The following MAP2 variants were observed in gnomAD, a reference collection of about 807,000 sequenced individuals.
MAP2 encodes microtubule-associated protein 2.
Under a neutral mutation model 137.6 loss-of-function variants are expected in MAP2, and 14 were observed. That is an observed-to-expected ratio of 0.10 (90% confidence interval 0.07 to 0.16). The LOEUF is 0.16. Among genes scored for constraint, MAP2 ranks in the 10% least tolerant of loss-of-function variants. The probability of loss-of-function intolerance (pLI) is 1.00; values close to 1 mark genes in which losing one functional copy is unlikely to be tolerated. For synonymous variants in MAP2, 786 were observed against 782.3 expected (o/e 1.00, Z -0.08); for missense variants, 2,088 against 2,191.5 (o/e 0.95, Z 0.94).
At chr2:209,525,541 T>A (rs1337445966) in intron 2 of MAP2, among the ~76,000 whole-genome samples, 1 of 152,182 alleles carries the variant, frequency 6.6e-6, no homozygotes, top group Non-Finnish European at 1.5e-5. Context: ...AGCAAGCCCA[T>A]TCCTGCATGG....
At chr2:209,610,930 G>A (rs1371978254) in intron 3 of MAP2, among the ~76,000 whole-genome samples, 1 of 151,958 alleles carries the variant, frequency 6.6e-6, no homozygotes, top group Non-Finnish European at 1.5e-5. Flanking sequence ...TAAAGCTTTT[G>A]TAAAAAATAA....
intron 1 of MAP2, among the ~76,000 whole-genome samples, chr2:209,500,644 C>T (rs1272413940): frequency 6.6e-6 from 1 of 152,018 alleles, no homozygotes; most frequent in Admixed American, 6.6e-5. Context: ...CACAACCTCC[C>T]TTATCCCACT....
chr2:209,510,354 G>A (rs964011539), intron 2 of MAP2, among the ~76,000 whole-genome samples: 20 of 151,872 alleles, frequency 1.3e-4, no homozygotes, highest in Admixed American at 1.3e-4. Flanking sequence ...TTTACTCATT[G>A]TTGGACATGC....
At position 209,664,651 on chromosome 2, in the gene MAP2, T is replaced by C. The variant is rs112018497; in HGVS notation, c.262+11219T>C. On this transcript the variant is annotated intron_variant, in intron 5 of 15. Transcript: ENST00000682079. ...AAAATTTATACTACATTGTGAACAATAAATTTGCAGGAAAGACTGTATTAG... is the reference window on the plus strand; with the variant it reads ...AAAATTTATACTACATTGTGAACAACAAATTTGCAGGAAAGACTGTATTAG... Among the ~76,000 whole-genome samples, 60 of 152,072 alleles carry C rather than the reference T, an allele frequency of 3.9e-4. 1 individual carries two copies. The highest frequency in any genetic ancestry group is 1.4e-3 in the African/African-American group (57 of 41,480).
At position 209,528,014 on chromosome 2, in the gene MAP2, G is replaced by A. The variant is rs936110165; in HGVS notation, c.-172+20373G>A. 2.0e-5 allele frequency among the ~76,000 whole-genome samples: 3 copies of A among 152,030 alleles called. No individual in the cohort carries two copies. The South Asian group carries it at 6.2e-4, about 32-fold the overall frequency. ...AGTTCTCTCTCTAAATTAATGCAGG[G>A]GCTTAACATTTATTTATTAAATTAT... On this transcript the variant is annotated intron_variant, in intron 2 of 15. Transcript: ENST00000682079.
Position 209,692,697 on chromosome 2 carries a change from A to T in MAP2, c.527A>T (p.Asp176Val). Residue 176 changes from aspartate (D) to valine (V), a missense_variant, in exon 8 of 16, where the codon GAC (aspartate) becomes GTC (valine). Asp to Val is a radical substitution (Grantham distance 152). Coordinates refer to ENST00000682079, the MANE Select transcript of MAP2 (RefSeq NM_001375505.1). ...ELTPSTAEPS[D>V]QKEKESEKQS... is the part of the protein sequence containing the mutation. Reference sequence around the variant, plus strand: ...ACTCCCTCTACAGCTGAGCCTTCAGACCAGAAGGAAAAGGAGTCAGAGAAG... The same window carrying T: ...ACTCCCTCTACAGCTGAGCCTTCAGTCCAGAAGGAAAAGGAGTCAGAGAAG... 1 of 1,613,684 alleles carries T rather than the reference A, an allele frequency of 6.2e-7. No homozygotes were observed. The highest frequency in any genetic ancestry group is 1.3e-5 in the African/African-American group (1 of 75,016).
At chr2:209,521,445 A>G (rs2063271728) in intron 2 of MAP2, among the ~76,000 whole-genome samples, 1 of 151,556 alleles carries the variant, frequency 6.6e-6, no homozygotes, top group South Asian at 2.1e-4. Context: ...CTAGGATATG[A>G]TTCAACTTAT....
intron 1 of MAP2, among the ~76,000 whole-genome samples, chr2:209,480,077 T>C (rs756015853): frequency 2.6e-5 from 4 of 152,150 alleles, no homozygotes; most frequent in Non-Finnish European, 5.9e-5. Context: ...ATAATGTACA[T>C]ACTCAAATAG....
intron 5 of MAP2, among the ~76,000 whole-genome samples, chr2:209,657,668 C>T (rs1482581053): frequency 6.6e-6 from 1 of 151,638 alleles, no homozygotes. Flanking sequence ...CTTAGTCCTT[C>T]GTTGGATGCA....
chr2:209,580,655 TA>T (rs1162211776), intron 3 of MAP2, among the ~76,000 whole-genome samples: 2 of 152,206 alleles, frequency 1.3e-5, no homozygotes, highest in Non-Finnish European at 2.9e-5. Flanking sequence ...TGTTAGTTCT[TA>T]AAAGAAGTTA....
intron 1 of MAP2, among the ~76,000 whole-genome samples, chr2:209,475,179 AACATCCT>A (rs779154897): frequency 3.9e-5 from 6 of 152,118 alleles, no homozygotes; most frequent in Non-Finnish European, 7.4e-5. Flanking sequence ...TAAAAATGGT[AACATCCT>A]ACTGTGTGTT....
intron 5 of MAP2, among the ~76,000 whole-genome samples, chr2:209,665,093 A>G (rs2045702868): frequency 6.6e-6 from 1 of 152,164 alleles, no homozygotes; most frequent in African/African-American, 2.4e-5. Flanking sequence ...TAGAACAGAA[A>G]GAAATTAGGT....
chr2:209,542,078 G>A (rs554792434), intron 2 of MAP2, among the ~76,000 whole-genome samples: 4 of 152,220 alleles, frequency 2.6e-5, no homozygotes, highest in South Asian at 2.1e-4. Context: ...TAAATAAGAC[G>A]TGAAAGTCAA....
rs2059799137 is a variant in MAP2 at position 209,694,869 on chromosome 2, C to T, written c.2699C>T (p.Thr900Ile). The change falls in exon 8 of 16, where the codon ACT becomes ATT. Residue 900 changes from threonine (T) to isoleucine (I), a missense_variant. This residue lies in a region of MAP2 where 500 missense variants were observed against 482.9 expected (regional missense o/e 1.04). Coordinates refer to ENST00000682079, the MANE Select transcript of MAP2 (RefSeq NM_001375505.1). ...SGESGTFYEG[T>I]DDKVRRDLAT... ...GAGAGTGGTACCTTTTACGAAGGCACTGATGATAAAGTTCGAAGAGATTTG... is the reference window on the plus strand; with the variant it reads ...GAGAGTGGTACCTTTTACGAAGGCATTGATGATAAAGTTCGAAGAGATTTG... The T allele has an allele frequency of 3.1e-6, 5 of 1,614,014 alleles. No individual in the cohort carries two copies. In the African/African-American group the frequency reaches 6.7e-5, roughly 22 times the overall value.
chr2:209,606,567 A>G (rs914360438), intron 3 of MAP2, among the ~76,000 whole-genome samples: 2 of 152,142 alleles, frequency 1.3e-5, no homozygotes, highest in South Asian at 4.1e-4. Context: ...AAAATAGAGT[A>G]GATTCATTCT....
chr2:209,614,909 G>A (rs550942092), intron 3 of MAP2, among the ~76,000 whole-genome samples: 2 of 152,292 alleles, frequency 1.3e-5, no homozygotes, highest in African/African-American at 4.8e-5. Context: ...ACTCCAGTGA[G>A]TCGATGAACT....
intron 4 of MAP2, among the ~76,000 whole-genome samples, chr2:209,637,474 A>T (rs1434560338): frequency 3.3e-5 from 5 of 152,118 alleles, no homozygotes; most frequent in African/African-American, 9.6e-5. Context: ...GTGAGAGGAG[A>T]TAAGGTAAAA....
At chr2:209,453,457 A>G (rs1205157730) in intron 1 of MAP2, among the ~76,000 whole-genome samples, 3 of 152,228 alleles carry the variant, frequency 2.0e-5, no homozygotes, top group Non-Finnish European at 4.4e-5. Context: ...AAAGTACTTT[A>G]AGATTGGAAT....
intron 5 of MAP2, among the ~76,000 whole-genome samples, chr2:209,662,344 C>A (rs1050195589): frequency 2.0e-5 from 3 of 152,096 alleles, no homozygotes; most frequent in Non-Finnish European, 4.4e-5. Flanking sequence ...ACATCACAAG[C>A]GCAAAAAGTA....
Sources: gnomAD v4.1 joint callset for allele counts (sites outside exome capture counted in the v4.1 genomes callset) on GRCh38, gnomAD v4.1.1 for gene constraint, gnomAD v4.1.1 regional missense constraint, MANE v1.5 for transcripts, NCBI Gene and HGNC (gene_info 2026-07-23, HGNC 2026-07-21) for gene names.